Variants in FPGT observed in about 807,000 individuals in gnomAD.
The protein encoded by FPGT is fucose-1-phosphate guanylyltransferase.
A neutral mutation model predicts 45.8 loss-of-function variants in FPGT; 41 were observed. That is an observed-to-expected ratio of 0.90 (90% CI 0.70 to 1.16). FPGT has a LOEUF of 1.16. FPGT is among the 50% of genes most tolerant of loss of function. FPGT has a pLI of 0.00. For synonymous variants in FPGT, 292 were observed against 247.2 expected, an observed-to-expected ratio of 1.18 and a Z score of -1.70; for missense variants, 755 against 689.1, an observed-to-expected ratio of 1.10 and a Z score of -1.07.
chr1:74,204,269 A>G (rs1000629671), intron 3 of FPGT, 122 bp from the exon 4 acceptor site: 10 of 557,950 alleles, frequency 1.8e-5, no homozygotes, highest in Non-Finnish European at 1.5e-5. Context: ...AACAAGTGGC[A>G]TATATTAAAT....
intron 1 of FPGT, 85 bp downstream of exon 1, chr1:74,198,445 T>G: frequency 1.9e-6 from 3 of 1,560,414 alleles, no homozygotes; most frequent in Non-Finnish European, 2.6e-6. Flanking sequence ...GACTGTCACT[T>G]CCCGTTTACT....
intron 2 of FPGT, 107 bp from the exon 3 acceptor site, chr1:74,201,211 C>T: frequency 2.4e-6 from 2 of 834,864 alleles, no homozygotes; most frequent in Admixed American, 2.9e-5. Context: ...TTACTTATTC[C>T]TGAAAGGCAA....
chr1:74,204,230 G>T (rs945314070), intron 3 of FPGT, among the ~76,000 whole-genome samples, 161 bp from the exon 4 acceptor site: 1 of 152,020 alleles, frequency 6.6e-6, no homozygotes, highest in Non-Finnish European at 1.5e-5. Context: ...TTTTAATTTG[G>T]ATTTCATTAT....
rs1652438473 is a variant in FPGT at position 74,208,234 on chromosome 1, A to G, written c.*2402A>G. On this transcript the variant is annotated 3_prime_UTR_variant, in exon 4 of 4. Transcript: ENST00000370898. ...GTTTTAATAAAAGGATCTAGGCAAA[A>G]AAAAAAAAAGTAAGTCACTCCTAAA... Among the ~76,000 whole-genome samples the G allele has an allele frequency of 6.6e-6, 1 of 151,948 alleles. No individual in the cohort carries two copies. The highest frequency in any genetic ancestry group is 6.6e-5 in the Admixed American group (1 of 15,228).
intron 3 of FPGT, among the ~76,000 whole-genome samples, chr1:74,202,161 A>AT (rs1056454015): frequency 1.3e-5 from 2 of 152,252 alleles, no homozygotes; most frequent in Non-Finnish European, 2.9e-5. Flanking sequence ...AGCTTTTTAA[A>AT]TTGAATACAT....
rs758142053 is a variant in FPGT, at chr1:74,198,252, C to T, written c.-27C>T. ...CACCCCAGGGCGCATGCGTGCTGTG[C>T]GGCGCGGTCTCAGGGAAGGTGGGGC... On this transcript the variant is annotated 5_prime_UTR_variant, in exon 1 of 4. Coordinates refer to ENST00000370898, the MANE Select transcript of FPGT (RefSeq NM_003838.5). 6.2e-7 allele frequency: 1 copy of T among 1,611,084 alleles called. No homozygotes were observed. Among genetic ancestry groups the T allele is most frequent in the Non-Finnish European group, 8.5e-7 (1 of 1,178,564 alleles).
intron 3 of FPGT, among the ~76,000 whole-genome samples, chr1:74,201,833 T>C (rs995319260): frequency 1.3e-5 from 2 of 152,236 alleles, no homozygotes; most frequent in African/African-American, 4.8e-5. Context: ...GGTTGGTTGC[T>C]GCACCTGTCA....
chr1:74,198,779 T>G (rs1199151871), intron 1 of FPGT, among the ~76,000 whole-genome samples: 5 of 151,942 alleles, frequency 3.3e-5, no homozygotes, highest in African/African-American at 1.2e-4. Context: ...AACCGTTTGT[T>G]GAGGGAGTAA....
intron 3 of FPGT, 40 bp from the exon 4 acceptor site, chr1:74,204,351 T>C: frequency 6.9e-7 from 1 of 1,441,862 alleles, no homozygotes; most frequent in Non-Finnish European, 9.3e-7. Flanking sequence ...TTATAAATAA[T>C]ACTGCATTTT....
In FPGT at chr1:74,205,300, T is replaced by C; in HGVS notation, c.1253T>C (p.Val418Ala). Residue 418 changes from valine (V) to alanine (A), a missense_variant, in exon 4 of 4, where the codon GTT (valine) becomes GCT (alanine). Val to Ala is a moderately conservative substitution (Grantham distance 64, BLOSUM62 0). Transcript: ENST00000370898. ...DSRCSVAPGS[V>A]VEYSRLGPDV... is the part of the protein sequence containing the mutation. ...AGATGTTCTGTGGCACCTGGCTCAG[T>C]TGTGGAGTATTCCAGATTGGGGCCT... is the stretch of plus-strand genomic sequence containing the variant. The C allele has an allele frequency of 6.2e-7, 1 of 1,614,102 alleles. No homozygotes were observed. Among genetic ancestry groups the C allele is most frequent in the East Asian group, 2.2e-5 (1 of 44,882 alleles).
At position 74,205,712 on chromosome 1, in the gene FPGT, C is replaced by G. The variant is rs766795952; in HGVS notation, c.1665C>G (p.Ser555Arg). 5.6e-6 allele frequency: 9 copies of G among 1,609,478 alleles called. No individual in the cohort carries two copies. The highest frequency in any genetic ancestry group is 7.7e-6 in the Non-Finnish European group (9 of 1,175,894). ...LNAVKNKSAF[S>R]LNSYKLLSIE... is the part of the protein sequence containing the mutation. ...CTGTTAAGAACAAGTCAGCATTCAG[C>G]CTGAATAGCTATAAGTTGCTGTCCA... The change falls in exon 4 of 4, where the codon AGC (serine) becomes AGG (arginine). Residue 555 changes from serine to arginine, a missense_variant. By Grantham distance (110) the Ser-to-Arg change is moderately radical (BLOSUM62 -1). Transcript: ENST00000370898.
At position 74,207,405 on chromosome 1, in the gene FPGT, G is replaced by T. The variant is rs1485754742; in HGVS notation, c.*1573G>T. ...ACTCTTCAGCACTTTCAGAGCTATT[G>T]ATATGCATATGTCCACCTAGTACCA... is the stretch of plus-strand genomic sequence containing the variant. On this transcript the variant is annotated 3_prime_UTR_variant, in exon 4 of 4. Coordinates refer to ENST00000370898, the MANE Select transcript of FPGT (RefSeq NM_003838.5). Among the ~76,000 whole-genome samples the T allele has an allele frequency of 6.6e-6, 1 of 152,030 alleles. No homozygotes were observed. Among genetic ancestry groups the T allele is most frequent in the African/African-American group, 2.4e-5 (1 of 41,400 alleles).
Position 74,205,606 on chromosome 1 carries a change from T to A in FPGT, c.1559T>A (p.Leu520Gln). 6.2e-7 allele frequency: 1 copy of A among 1,613,260 alleles called. No individual in the cohort carries two copies. Among genetic ancestry groups the A allele is most frequent in the African/African-American group, 1.3e-5 (1 of 75,038 alleles). The change falls in exon 4 of 4, where the codon CTG becomes CAG. Residue 520 changes from leucine (L) to glutamine (Q), a missense_variant. Physicochemically the swap from Leu to Gln is moderately radical, Grantham distance 113 (BLOSUM62 -2). Transcript: ENST00000370898. ...CTGTTCTCTGGTAACAAGACATGTC[T>A]GAGTTTGTGGACTGCACGCATTTTC... ...EELFSGNKTCLSLWTARIFPV... is the reference protein window; with the variant it reads ...EELFSGNKTCQSLWTARIFPV...
Position 74,198,244 on chromosome 1 carries a change from G to A in FPGT, c.-35G>A, listed in dbSNP as rs767611770. On this transcript the variant is annotated 5_prime_UTR_variant, in exon 1 of 4. It adds an upstream start codon to the 5' untranslated region. Transcript: ENST00000370898. ...CGGAGGCGCACCCCAGGGCGCATGCGTGCTGTGCGGCGCGGTCTCAGGGAA... is the reference window on the plus strand; with the variant it reads ...CGGAGGCGCACCCCAGGGCGCATGCATGCTGTGCGGCGCGGTCTCAGGGAA... 1.9e-6 allele frequency: 3 copies of A among 1,609,248 alleles called. No individual in the cohort carries two copies. Among genetic ancestry groups the A allele is most frequent in the East Asian group, 2.2e-5 (1 of 44,762 alleles).
chr1:74,198,783 G>A (rs1440175204), intron 1 of FPGT, among the ~76,000 whole-genome samples: 1 of 151,612 alleles, frequency 6.6e-6, no homozygotes, highest in East Asian at 2.0e-4. Flanking sequence ...GTTTGTTGAG[G>A]GAGTAACAGA....
Position 74,204,401 on chromosome 1 carries a change from T to A in FPGT, c.354T>A (p.Ser118Arg). The A allele has an allele frequency of 6.3e-7, 1 of 1,577,252 alleles. No homozygotes were observed. Among genetic ancestry groups the A allele is most frequent in the Non-Finnish European group, 8.6e-7 (1 of 1,162,840 alleles). The change falls in exon 4 of 4, where the codon AGT becomes AGA. Residue 118 changes from serine to arginine, a missense_variant. Coordinates refer to ENST00000370898, the MANE Select transcript of FPGT (RefSeq NM_003838.5). Reference protein sequence around the residue: ...TILLIHSGGYSQRLPNASALG... With the variant: ...TILLIHSGGYRQRLPNASALG... ...GTTTTAATTTTATAGGTGGCTACAG[T>A]CAACGACTTCCAAATGCAAGTGCTC... is the stretch of plus-strand genomic sequence containing the variant.
intron 3 of FPGT, among the ~76,000 whole-genome samples, chr1:74,201,670 T>C (rs1349161830): frequency 6.6e-6 from 1 of 152,192 alleles, no homozygotes; most frequent in Admixed American, 6.5e-5. Context: ...TTGTTTTGGG[T>C]ATGTATATAG....
intron 3 of FPGT, among the ~76,000 whole-genome samples, chr1:74,203,549 G>A (rs527763990): frequency 7.3e-5 from 11 of 151,604 alleles, no homozygotes; most frequent in South Asian, 4.2e-4. Flanking sequence ...CCGCCACCAC[G>A]CCCAGCTAAT....
chr1:74,198,496 C>A, intron 1 of FPGT, 136 bp downstream of exon 1: 1 of 1,223,876 alleles, frequency 8.2e-7, no homozygotes, highest in Non-Finnish European at 1.1e-6. Flanking sequence ...GAGTAGCTAG[C>A]TAATAATCCT....
Sources: gnomAD v4.1 joint callset for allele counts (sites outside exome capture counted in the v4.1 genomes callset) on GRCh38, gnomAD v4.1.1 for gene constraint, MANE v1.5 for transcripts, NCBI Gene and HGNC (gene_info 2026-07-23, HGNC 2026-07-21) for gene names.